ABHD12B: variants seen among roughly 807,000 people sequenced by gnomAD.
The protein encoded by ABHD12B is abhydrolase domain containing 12B, also known as protein ABHD12B.
A neutral mutation model predicts 50.4 loss-of-function variants in ABHD12B; 42 were observed. The observed-to-expected ratio is 0.83, with a 90% CI of 0.65 to 1.08. ABHD12B has a LOEUF of 1.08. Among genes scored for constraint, ABHD12B ranks in the 50% least tolerant of loss-of-function variants. ABHD12B has a pLI of 0.00. For synonymous variants in ABHD12B, 167 were observed against 160.3 expected (o/e 1.04, Z -0.32); for missense variants, 479 against 447.7 (o/e 1.07, Z -0.63).
chr14:50,899,242 A>G (rs73284784), intron 9 of ABHD12B, among the ~76,000 whole-genome samples: 2 of 152,356 alleles, frequency 1.3e-5, no homozygotes, highest in East Asian at 3.9e-4. Flanking sequence ...TCCTGGGGGA[A>G]TAGCAGGCCT....
chr14:50,872,199 G>A lies in ABHD12B; in HGVS notation c.25G>A (p.Ala9Thr). 5 of 1,368,872 alleles carry A rather than the reference G, an allele frequency of 3.7e-6. No individual in the cohort carries two copies. Among genetic ancestry groups the A allele is most frequent in the Middle Eastern group, 5.3e-4 (2 of 3,784 alleles). 84.8% of individuals were successfully genotyped at this position (1,368,872 alleles called of 1,614,324 possible). Residue 9 changes from alanine (A) to threonine (T), a missense_variant, in exon 1 of 13, where the codon GCC becomes ACC. By Grantham distance (58) the Ala-to-Thr change is moderately conservative. Transcript: ENST00000337334. ...GATGGACGCGCAGGACTGCCAGGCG[G>A]CCGCATCGCCCGAGCCGCCCGGGCC... MDAQDCQA[A>T]ASPEPPGPPA...
At chr14:50,877,575 G>A (rs888230501) in intron 1 of ABHD12B, among the ~76,000 whole-genome samples, 1 of 152,086 alleles carries the variant, frequency 6.6e-6, no homozygotes, top group Non-Finnish European at 1.5e-5. Flanking sequence ...TTGTCATTGT[G>A]TAAAAGATTT....
chr14:50,888,675 G>C, intron 8 of ABHD12B, 149 bp from the exon 9 acceptor site: 1 of 632,998 alleles, frequency 1.6e-6, no homozygotes, highest in Non-Finnish European at 2.7e-6. Context: ...ATATGAGGTG[G>C]GGTCCAGGAA....
chr14:50,882,038 C>T (rs2049959128), intron 5 of ABHD12B, among the ~76,000 whole-genome samples: 1 of 151,846 alleles, frequency 6.6e-6, no homozygotes, highest in African/African-American at 2.4e-5. Context: ...CAGGCTCAAG[C>T]GATTCTCCTG....
intron 9 of ABHD12B, among the ~76,000 whole-genome samples, chr14:50,896,423 G>A (rs900556905): frequency 6.6e-6 from 1 of 152,138 alleles, no homozygotes; most frequent in African/African-American, 2.4e-5. Flanking sequence ...CCAAGCCATC[G>A]CATCCCCTGT....
chr14:50,878,820 T>C lies in ABHD12B; in HGVS notation c.308T>C (p.Val103Ala), dbSNP rs1390502362. 1.9e-6 allele frequency: 3 copies of C among 1,613,942 alleles called. No homozygotes were observed. Among genetic ancestry groups the C allele is most frequent in the African/African-American group, 2.7e-5 (2 of 75,046 alleles). The part of the protein sequence containing the change: ...IPHTVNFYLR[V>A]EPGVMLGIWH... ...CACACAGTGAACTTCTACCTGAGAG[T>C]TGAACCTGGGGTGATGCTAGGGATC... The change falls in exon 3 of 13, where the codon GTT (valine) becomes GCT (alanine). Residue 103 changes from valine to alanine, a missense_variant. Transcript: ENST00000337334.
intron 9 of ABHD12B, among the ~76,000 whole-genome samples, chr14:50,890,429 C>G (rs1031945230): frequency 4.6e-5 from 7 of 152,104 alleles, no homozygotes; most frequent in African/African-American, 1.7e-4. Flanking sequence ...TAGATGTAAT[C>G]CTTAGTCCTT....
intron 5 of ABHD12B, 151 bp downstream of exon 5, chr14:50,881,777 C>G (rs78896478): frequency 1.2e-6 from 1 of 845,972 alleles, no homozygotes; most frequent in Non-Finnish European, 1.9e-6. Flanking sequence ...AAAGTCCCAC[C>G]GGTGGACTTC....
chr14:50,878,680 C>A, intron 2 of ABHD12B, 65 bp from the exon 3 acceptor site: 1 of 1,365,642 alleles, frequency 7.3e-7, no homozygotes, highest in Non-Finnish European at 1.0e-6. Flanking sequence ...TAATTCCTTT[C>A]TTTGATTGTG....
rs764664749 is a variant in ABHD12B at position 50,872,154 on chromosome 14, C to A, written c.-21C>A. ...ACTGCAGCTCCCGCGGCGGTGGCGG[C>A]GTATCGGGACACGGCGCGGGATGGA... On this transcript the variant is annotated 5_prime_UTR_variant, in exon 1 of 13. Transcript: ENST00000337334. 7.8e-7 allele frequency: 1 copy of A among 1,280,078 alleles called. No individual in the cohort carries two copies. Among genetic ancestry groups the A allele is most frequent in the Non-Finnish European group, 9.9e-7 (1 of 1,012,768 alleles). 79.3% of individuals were successfully genotyped at this position (1,280,078 alleles called of 1,614,324 possible).
intron 9 of ABHD12B, among the ~76,000 whole-genome samples, chr14:50,897,640 T>C (rs58293488): frequency 0.029 from 4,459 of 152,272 alleles, 213 homozygotes; most frequent in African/African-American, 0.1. Context: ...CAGCATGATG[T>C]TGTGGAAAAG....
Position 50,872,508 on chromosome 14 carries a change from A to G in ABHD12B, c.104+230A>G, listed in dbSNP as rs77366806. Among the ~76,000 whole-genome samples, 1,367 of 152,276 alleles carry G rather than the reference A, an allele frequency of 9.0e-3. 41 individuals are homozygous for G. In the East Asian group the frequency reaches 0.11, roughly 12 times the overall value. ...CCCAACCTGGACCAGCGAGACTCTC[A>G]GGTTTGGTATTTCAGGAAGTTATAA... On this transcript the variant is annotated intron_variant, in intron 1 of 12. Transcript: ENST00000337334.
Position 50,888,468 on chromosome 14 carries a change from C to A in ABHD12B, c.701-356C>A, listed in dbSNP as rs143922933. Among the ~76,000 whole-genome samples, 748 of 152,278 alleles carry A rather than the reference C, an allele frequency of 4.9e-3. 9 individuals are homozygous for A. The highest frequency in any genetic ancestry group is 0.017 in the African/African-American group (711 of 41,542). On this transcript the variant is annotated intron_variant, in intron 8 of 12. Transcript: ENST00000337334. ...CCGCCTGCCGTGGCCTCCCAAAATG[C>A]TAGTATTACAGGTGTGAGCCACCGT...
intron 8 of ABHD12B, among the ~76,000 whole-genome samples, chr14:50,887,225 A>AAAAAAAAAT (rs1227386604): frequency 6.7e-6 from 1 of 149,988 alleles, no homozygotes; most frequent in African/African-American, 2.4e-5. Context: ...AAAAAAAAAA[A>AAAAAAAAAT]AAAAGAGTCC....
intron 1 of ABHD12B, among the ~76,000 whole-genome samples, chr14:50,876,960 T>A (rs1448839601): frequency 6.6e-6 from 1 of 152,206 alleles, no homozygotes; most frequent in African/African-American, 2.4e-5. Flanking sequence ...ACCTCCTGTA[T>A]CCCTCACCTC....
chr14:50,881,194 T>C (rs1468524919), intron 4 of ABHD12B, among the ~76,000 whole-genome samples: 2 of 152,160 alleles, frequency 1.3e-5, no homozygotes, highest in Non-Finnish European at 2.9e-5. Flanking sequence ...TATGATTATG[T>C]TGGGTGACGA....
chr14:50,899,963 C>T (rs961507030), intron 9 of ABHD12B, among the ~76,000 whole-genome samples: 1 of 151,580 alleles, frequency 6.6e-6, no homozygotes, highest in African/African-American at 2.4e-5. Context: ...CTGGGCCAGG[C>T]ACTGTGGCTC....
At chr14:50,895,429 C>T (rs928727987) in intron 9 of ABHD12B, 3 of 152,188 alleles carry the variant, frequency 2.0e-5, no homozygotes, top group Non-Finnish European at 4.4e-5. Context: ...GAACCTCCTC[C>T]CACAGGAGCT....
chr14:50,874,929 T>C lies in ABHD12B; in HGVS notation c.104+2651T>C, dbSNP rs1394954120. On this transcript the variant is annotated intron_variant, in intron 1 of 12. Coordinates refer to ENST00000337334, the MANE Select transcript of ABHD12B (RefSeq NM_001206673.2). ...AAAATGAAGTCCTTCCTCTTTCCTC[T>C]GAAGCTACCAATAAATGTTGCTTCC... is the stretch of plus-strand genomic sequence containing the variant. Among the ~76,000 whole-genome samples, 3 of 152,274 alleles carry C rather than the reference T, an allele frequency of 2.0e-5. No individual in the cohort carries two copies. In the East Asian group the frequency reaches 5.8e-4, roughly 29 times the overall value.
Sources: allele counts gnomAD v4.1 joint callset (sites outside exome capture counted in the v4.1 genomes callset), GRCh38; gene constraint gnomAD v4.1.1; transcripts MANE v1.5; gene names NCBI Gene and HGNC (gene_info 2026-07-23, HGNC 2026-07-21).